The following TTC27 variants were observed in gnomAD, a reference collection of about 807,000 sequenced individuals.
The protein encoded by TTC27 is tetratricopeptide repeat domain 27, also known as tetratricopeptide repeat protein 27.
A neutral mutation model predicts 115.9 loss-of-function variants in TTC27; 79 were observed. That is an observed-to-expected ratio of 0.68 (90% confidence interval 0.57 to 0.82). The LOEUF (loss-of-function observed/expected upper bound fraction) is 0.82, where lower values mean the gene tolerates loss of function less well. TTC27 is among the 40% of genes least tolerant of loss of function. The pLI is 0.00. For missense variants in TTC27, 1,054 were observed against 993.1 expected (o/e 1.06, Z -0.82); for synonymous variants, 401 against 356.0 (o/e 1.13, Z -1.42).
chr2:32,634,375 C>T (rs1348047659), intron 3 of TTC27, among the ~76,000 whole-genome samples: 1 of 150,976 alleles, frequency 6.6e-6, no homozygotes, highest in Non-Finnish European at 1.5e-5. Context: ...GCTCACTGCA[C>T]CCTCAACCTA....
chr2:32,784,020 A>C (rs1167165450), intron 15 of TTC27, among the ~76,000 whole-genome samples: 1 of 152,228 alleles, frequency 6.6e-6, no homozygotes, highest in Non-Finnish European at 1.5e-5. Context: ...CATTCTCTTT[A>C]GAAGATCATA....
At chr2:32,729,155 G>A (rs1668208693) in intron 10 of TTC27, among the ~76,000 whole-genome samples, 1 of 152,128 alleles carries the variant, frequency 6.6e-6, no homozygotes, top group Admixed American at 6.5e-5. Context: ...TAGTGAGAAT[G>A]GATAGCTTTC....
At chr2:32,798,423 G>C (rs1299521492) in intron 16 of TTC27, among the ~76,000 whole-genome samples, 1 of 143,944 alleles carries the variant, frequency 6.9e-6, no homozygotes, top group African/African-American at 2.6e-5. Context: ...AAAGAAAATG[G>C]CTGGGCGCGG....
intron 12 of TTC27, among the ~76,000 whole-genome samples, chr2:32,753,703 T>C (rs980722960): frequency 6.6e-6 from 1 of 152,106 alleles, no homozygotes; most frequent in African/African-American, 2.4e-5. Flanking sequence ...CACACTGGTC[T>C]CCCAAAGTGT....
intron 9 of TTC27, among the ~76,000 whole-genome samples, chr2:32,699,233 A>T (rs1667101454): frequency 6.6e-6 from 1 of 152,238 alleles, no homozygotes; most frequent in Non-Finnish European, 1.5e-5. Flanking sequence ...ATAGAGATGG[A>T]GTCACTTAGA....
chr2:32,820,181 G>A (rs1231785303), intron 19 of TTC27, among the ~76,000 whole-genome samples: 1 of 152,184 alleles, frequency 6.6e-6, no homozygotes, highest in Admixed American at 6.5e-5. Context: ...CATACCATGG[G>A]GTCATAAAAT....
intron 9 of TTC27, among the ~76,000 whole-genome samples, chr2:32,700,278 A>G: frequency 6.6e-6 from 1 of 152,156 alleles, no homozygotes; most frequent in East Asian, 1.9e-4. Flanking sequence ...GAGAGGAGGA[A>G]AGTGAGACAC....
chr2:32,642,865 A>G (rs1012811990), intron 4 of TTC27, among the ~76,000 whole-genome samples: 2 of 151,924 alleles, frequency 1.3e-5, no homozygotes, highest in Non-Finnish European at 2.9e-5. Flanking sequence ...ACAGGGTTTC[A>G]CCTTGTTGCT....
intron 14 of TTC27, 23 bp downstream of exon 14, chr2:32,778,003 C>G (rs1344466522): frequency 6.2e-7 from 1 of 1,607,168 alleles, no homozygotes. Context: ...GATCTTCTGT[C>G]CTTACGTGGC....
At chr2:32,813,253 C>T (rs1671378278) in intron 18 of TTC27, among the ~76,000 whole-genome samples, 1 of 151,950 alleles carries the variant, frequency 6.6e-6, no homozygotes, top group African/African-American at 2.4e-5. Context: ...TAATGATGCC[C>T]CCAATGTTAA....
intron 9 of TTC27, among the ~76,000 whole-genome samples, chr2:32,687,477 C>T (rs1022315777): frequency 1.5e-4 from 23 of 152,110 alleles, no homozygotes; most frequent in Admixed American, 9.8e-4. Flanking sequence ...ATATTGAATG[C>T]TAATGGATAA....
intron 18 of TTC27, among the ~76,000 whole-genome samples, chr2:32,817,076 G>A (rs994648938): frequency 1.3e-5 from 2 of 151,990 alleles, no homozygotes; most frequent in African/African-American, 4.8e-5. Flanking sequence ...AAAATTCCCT[G>A]GAGCAGTAAA....
chr2:32,812,416 G>T (rs890980106), intron 17 of TTC27, 88 bp from the exon 18 acceptor site: 64 of 943,616 alleles, frequency 6.8e-5, no homozygotes, highest in Non-Finnish European at 9.2e-5. Flanking sequence ...TTTCACATTG[G>T]AATTAGTTCC....
chr2:32,651,652 A>G (rs1217102357), intron 5 of TTC27, among the ~76,000 whole-genome samples: 3 of 152,072 alleles, frequency 2.0e-5, no homozygotes, highest in Admixed American at 2.0e-4. Context: ...GCGTCCTTCA[A>G]GAGTTTTTAC....
chr2:32,692,930 C>G (rs973536417), intron 9 of TTC27, among the ~76,000 whole-genome samples: 4 of 150,892 alleles, frequency 2.7e-5, no homozygotes, highest in Non-Finnish European at 5.9e-5. Context: ...GGGCTGAGAT[C>G]GCACTACTGT....
At chr2:32,795,125 A>G (rs1202008922) in intron 16 of TTC27, among the ~76,000 whole-genome samples, 2 of 96,372 alleles carry the variant, frequency 2.1e-5, no homozygotes, top group East Asian at 6.0e-4. Context: ...AGACAAAGAC[A>G]TTACAAGAAA....
intron 8 of TTC27, among the ~76,000 whole-genome samples, chr2:32,677,726 T>C (rs958577695): frequency 3.3e-5 from 5 of 152,222 alleles, no homozygotes; most frequent in Non-Finnish European, 4.4e-5. Flanking sequence ...GTGCTGGGAT[T>C]ACAGGCATGA....
At chr2:32,801,323 A>G (rs541936951) in intron 16 of TTC27, among the ~76,000 whole-genome samples, 2 of 152,194 alleles carry the variant, frequency 1.3e-5, no homozygotes, top group African/African-American at 4.8e-5. Context: ...TGACTTGGCC[A>G]TGTTCCTCTG....
intron 5 of TTC27, among the ~76,000 whole-genome samples, chr2:32,658,762 T>C (rs749269745): frequency 6.6e-6 from 1 of 152,220 alleles, no homozygotes; most frequent in Non-Finnish European, 1.5e-5. Flanking sequence ...TTGTTACTTG[T>C]ATGTCAACTA....
Sources: allele counts gnomAD v4.1 joint callset (sites outside exome capture counted in the v4.1 genomes callset), GRCh38; gene constraint gnomAD v4.1.1; transcripts MANE v1.5; gene names NCBI Gene and HGNC (gene_info 2026-07-23, HGNC 2026-07-21).